The following MSRB1 variants were observed in gnomAD, a reference collection of about 807,000 sequenced individuals.
MSRB1 encodes methionine sulfoxide reductase B1.
MSRB1 carries 13 observed loss-of-function variants against 15.2 expected under a neutral mutation model. That is an observed-to-expected ratio of 0.86 (90% confidence interval 0.56 to 1.36). The LOEUF (loss-of-function observed/expected upper bound fraction) is 1.36. MSRB1 is among the 40% of genes most tolerant of loss of function. The probability of loss-of-function intolerance (pLI) is 0.00; values close to 1 mark genes in which losing one functional copy is unlikely to be tolerated. For synonymous variants in MSRB1, 68 were observed against 64.5 expected (o/e 1.05, Z -0.26); for missense variants, 174 against 155.9 (o/e 1.12, Z -0.62).
chr16:1,940,880 T>C lies in MSRB1; in HGVS notation c.217A>G (p.Lys73Glu). 6.2e-7 allele frequency: 1 copy of C among 1,614,164 alleles called. No homozygotes were observed. Among genetic ancestry groups the C allele is most frequent in the Non-Finnish European group, 8.5e-7 (1 of 1,180,032 alleles). The change falls in exon 3 of 4, where the codon AAG becomes GAG. Residue 73 changes from lysine to glutamate, a missense_variant. By Grantham distance (56) the Lys-to-Glu change is moderately conservative. Transcript: ENST00000361871. ...TCGTGGCCCAACCCATTGCCACACTTGCCACAGGACACCTGGAAAGATCAC... is the reference window on the plus strand; with the variant it reads ...TCGTGGCCCAACCCATTGCCACACTCGCCACAGGACACCTGGAAAGATCAC... ...RSEALKVSCG[K>E]CGNGLGHEFL...
chr16:1,942,718 A>C (rs1293185015), intron 1 of MSRB1, among the ~76,000 whole-genome samples: 3 of 152,238 alleles, frequency 2.0e-5, no homozygotes, highest in Admixed American at 2.0e-4. Context: ...GCCCTGGACA[A>C]GAACCTGGCC....
chr16:1,941,256 C>T lies in MSRB1; in HGVS notation c.204+1G>A. ...CCTCCCCCACCCCTGTGGCCTCTCA[C>T]CTTCAAGGCTTCAGATCTATTGTGC... On this transcript the variant is annotated splice_donor_variant, in intron 2 of 3. Coordinates refer to ENST00000361871, the MANE Select transcript of MSRB1 (RefSeq NM_016332.4). LOFTEE classifies it high-confidence loss of function. 1 of 1,613,792 alleles carries T rather than the reference C, an allele frequency of 6.2e-7. No individual in the cohort carries two copies.
At chr16:1,942,095 T>G (rs2150857722) in intron 1 of MSRB1, among the ~76,000 whole-genome samples, 1 of 152,230 alleles carries the variant, frequency 6.6e-6, no homozygotes, top group South Asian at 2.1e-4. Context: ...CTGAGTCACC[T>G]CTCACCCATC....
chr16:1,941,418 G>A lies in MSRB1; in HGVS notation c.56-13C>T, dbSNP rs771008836. On this transcript the variant is annotated splice_polypyrimidine_tract_variant and intron_variant, in intron 1 of 3. Coordinates refer to ENST00000361871, the MANE Select transcript of MSRB1 (RefSeq NM_016332.4). ...CACACGTAAACGCCTGTGGTGGAAG[G>A]AGAGGCAAATGTGGAGTCATCAGCT... The A allele has an allele frequency of 5.6e-6, 9 of 1,605,112 alleles. No homozygotes were observed. The African/African-American group carries it at 9.4e-5, about 17-fold the overall frequency.
chr16:1,942,924 C>A (rs1377894007), intron 1 of MSRB1, among the ~76,000 whole-genome samples, 178 bp downstream of exon 1: 2 of 152,078 alleles, frequency 1.3e-5, no homozygotes, highest in Non-Finnish European at 2.9e-5. Flanking sequence ...CCACTCTCCT[C>A]GCCCCCAGGC....
chr16:1,939,028 C>T lies in MSRB1; in HGVS notation c.*84G>A, dbSNP rs927232403. On this transcript the variant is annotated 3_prime_UTR_variant, in exon 4 of 4. Coordinates refer to ENST00000361871, the MANE Select transcript of MSRB1 (RefSeq NM_016332.4). ...ACTGCGCCCTGCCTTCCTGTCTCGA[C>T]GCCCAGGGTTCCAACTCCAAGGTGG... 97 of 1,538,572 alleles carry T rather than the reference C, an allele frequency of 6.3e-5. 1 individual carries two copies. Among genetic ancestry groups the T allele is most frequent in the Non-Finnish European group, 7.8e-5 (87 of 1,119,920 alleles).
chr16:1,941,303 T>C lies in MSRB1; in HGVS notation c.158A>G (p.Asp53Gly), dbSNP rs754786974. Residue 53 changes from aspartate (D) to glycine (G), a missense_variant, in exon 2 of 4, where the codon GAC (aspartate) becomes GGC (glycine). Coordinates refer to ENST00000361871, the MANE Select transcript of MSRB1 (RefSeq NM_016332.4). ...WPAFTETIHADSVAKRPEHNR... is the reference protein window; with the variant it reads ...WPAFTETIHAGSVAKRPEHNR... ...GTGCTCCGGACGCTTGGCCACGCTG[T>C]CGGCGTGAATGGTCTCGGTGAACGC... 1.5e-5 allele frequency: 25 copies of C among 1,613,300 alleles called. No homozygotes were observed. The South Asian group carries it at 2.5e-4, about 16-fold the overall frequency.
chr16:1,939,534 T>A (rs956103449), intron 3 of MSRB1, among the ~76,000 whole-genome samples: 4 of 152,208 alleles, frequency 2.6e-5, no homozygotes, highest in Non-Finnish European at 5.9e-5. Context: ...AAGCGTGTGC[T>A]GTTAACAGCC....
At chr16:1,941,017 T>G (rs960330795) in intron 2 of MSRB1, 125 bp from the exon 3 acceptor site, 1 of 1,556,420 alleles carries the variant, frequency 6.4e-7, no homozygotes, top group African/African-American at 1.4e-5. Context: ...ACCGCCGACA[T>G]AAGAGGTTGA....
At position 1,941,734 on chromosome 16, in the gene MSRB1, A is replaced by G. The variant is rs79260657; in HGVS notation, c.56-329T>C. On this transcript the variant is annotated intron_variant, in intron 1 of 3. Transcript: ENST00000361871. ...AGCGTGAAGGAACCTGGGTAGTCCA[A>G]TGAGGACACGGAGCTCCCCCTCGCC... is the stretch of plus-strand genomic sequence containing the variant. The G allele has an allele frequency of 5.1e-3, 1,554 of 307,570 alleles. 25 individuals are homozygous for G. The highest frequency in any genetic ancestry group is 0.03 in the African/African-American group (1,395 of 46,050). 19.1% of individuals were successfully genotyped at this position (307,570 alleles called of 1,614,324 possible). A position where few individuals can be genotyped will look rare whatever the true frequency, so the allele number is the denominator to read the frequency against.
chr16:1,941,202 G>A, intron 2 of MSRB1, 55 bp downstream of exon 2: 1 of 1,603,754 alleles, frequency 6.2e-7, no homozygotes, highest in Non-Finnish European at 8.5e-7. Flanking sequence ...GGTGGGACTG[G>A]CTCTCTGCTC....
At chr16:1,942,988 C>A in intron 1 of MSRB1, 114 bp downstream of exon 1, 1 of 1,412,140 alleles carries the variant, frequency 7.1e-7, no homozygotes, top group Non-Finnish European at 9.7e-7. Flanking sequence ...CCGGCAGCCA[C>A]ATTCGCCCCC....
Position 1,941,280 on chromosome 16 carries a change from G to A in MSRB1, c.181C>T (p.His61Tyr), listed in dbSNP as rs2083075111. 1.2e-6 allele frequency: 2 copies of A among 1,612,952 alleles called. No homozygotes were observed. Among genetic ancestry groups the A allele is most frequent in the Non-Finnish European group, 1.7e-6 (2 of 1,179,826 alleles). The change falls in exon 2 of 4, where the codon CAC (histidine) becomes TAC (tyrosine). Residue 61 changes from histidine to tyrosine, a missense_variant. Physicochemically the swap from His to Tyr is moderately conservative, Grantham distance 83. Transcript: ENST00000361871. ...ACCTTCAAGGCTTCAGATCTATTGTGCTCCGGACGCTTGGCCACGCTGTCG... is the reference window on the plus strand; with the variant it reads ...ACCTTCAAGGCTTCAGATCTATTGTACTCCGGACGCTTGGCCACGCTGTCG... ...HADSVAKRPE[H>Y]NRSEALKVSC...
At chr16:1,941,146 A>AGAC in intron 2 of MSRB1, 111 bp downstream of exon 2, 1 of 1,557,420 alleles carries the variant, frequency 6.4e-7, no homozygotes, top group Non-Finnish European at 8.7e-7. Flanking sequence ...GGCCTGGAAT[A>AGAC]GACGCCTCTA....
chr16:1,939,173 T>G (rs1347883958), intron 3 of MSRB1, 30 bp from the exon 4 acceptor site: 1 of 1,587,144 alleles, frequency 6.3e-7, no homozygotes, highest in Non-Finnish European at 8.6e-7. Context: ...GCGGAAAGTA[T>G]GCGGGGACAG....
intron 1 of MSRB1, 87 bp from the exon 2 acceptor site, chr16:1,941,492 C>T: frequency 6.8e-7 from 1 of 1,478,884 alleles, no homozygotes; most frequent in Non-Finnish European, 9.0e-7. Flanking sequence ...CAGGCAAAGA[C>T]AGCGCTGCCC....
In MSRB1 at chr16:1,939,042, A is replaced by C. The variant is rs1295258155; in HGVS notation, c.*70T>G. The C allele has an allele frequency of 6.3e-7, 1 of 1,586,008 alleles. No individual in the cohort carries two copies. The highest frequency in any genetic ancestry group is 1.1e-5 in the South Asian group (1 of 89,474). On this transcript the variant is annotated 3_prime_UTR_variant, in exon 4 of 4. Transcript: ENST00000361871. ...TCCTGTCTCGACGCCCAGGGTTCCA[A>C]CTCCAAGGTGGAATGGCCAACGTGT...
At chr16:1,941,164 G>A (rs1409684309) in intron 2 of MSRB1, 93 bp downstream of exon 2, 1 of 1,571,994 alleles carries the variant, frequency 6.4e-7, no homozygotes, top group Non-Finnish European at 8.6e-7. Context: ...CTAAGCCCCT[G>A]GAGCTGTGGG....
intron 3 of MSRB1, among the ~76,000 whole-genome samples, chr16:1,940,020 C>T (rs1015475590): frequency 1.7e-4 from 26 of 151,674 alleles, no homozygotes; most frequent in African/African-American, 5.6e-4. Flanking sequence ...GCCTATAATT[C>T]GAGCACTTTG....
Sources: allele counts gnomAD v4.1 joint callset (sites outside exome capture counted in the v4.1 genomes callset), GRCh38; gene constraint gnomAD v4.1.1; transcripts MANE v1.5; gene names NCBI Gene and HGNC (gene_info 2026-07-23, HGNC 2026-07-21).